DGKB: variants seen among roughly 807,000 people sequenced by gnomAD.
DGKB encodes the protein diacylglycerol kinase beta, also known as 90 kDa diacylglycerol kinase.
In DGKB, 67 loss-of-function variants were observed where a neutral mutation model predicts 114.3. The ratio of observed to expected loss-of-function variants is 0.59; its 90% CI spans 0.48 to 0.72. DGKB has a LOEUF of 0.72. Among genes scored for constraint, DGKB ranks in the 30% least tolerant of loss-of-function variants. DGKB has a pLI of 0.00. For missense variants in DGKB, 907 were observed against 975.2 expected (o/e 0.93, Z 0.93); for synonymous variants, 398 against 323.1 (o/e 1.23, Z -2.49).
intron 20 of DGKB, among the ~76,000 whole-genome samples, chr7:14,527,287 T>C (rs1015161789): frequency 6.6e-6 from 1 of 152,158 alleles, no homozygotes; most frequent in African/African-American, 2.4e-5. Flanking sequence ...GTTGGCATTA[T>C]CCACTGTATA....
At chr7:14,276,983 G>A (rs995803982) in intron 23 of DGKB, among the ~76,000 whole-genome samples, 1 of 151,652 alleles carries the variant, frequency 6.6e-6, no homozygotes, top group Non-Finnish European at 1.5e-5. Flanking sequence ...TCTTTTTTGT[G>A]GTGAGATGTT....
At chr7:14,210,734 G>C (rs1339664587) in intron 23 of DGKB, among the ~76,000 whole-genome samples, 1 of 152,024 alleles carries the variant, frequency 6.6e-6, no homozygotes, top group East Asian at 1.9e-4. Context: ...AGATGACTGT[G>C]TCACCTAATG....
At chr7:14,624,154 T>A (rs1271561527) in intron 14 of DGKB, among the ~76,000 whole-genome samples, 1 of 152,184 alleles carries the variant, frequency 6.6e-6, no homozygotes. Context: ...AGGAACATAT[T>A]TAAAATTTAA....
intron 1 of DGKB, among the ~76,000 whole-genome samples, chr7:14,844,270 A>AC (rs1321111742): frequency 3.3e-5 from 5 of 152,148 alleles, no homozygotes; most frequent in African/African-American, 1.2e-4. Context: ...TTGGCTGCAA[A>AC]CCCAGAAGTT....
intron 20 of DGKB, among the ~76,000 whole-genome samples, chr7:14,507,821 A>T (rs1458630755): frequency 6.6e-6 from 1 of 152,176 alleles, no homozygotes; most frequent in African/African-American, 2.4e-5. Flanking sequence ...AGCCAAAAAA[A>T]CACGTGAGTC....
intron 4 of DGKB, among the ~76,000 whole-genome samples, chr7:14,741,325 C>T (rs376278145): frequency 2.3e-4 from 35 of 152,234 alleles, no homozygotes; most frequent in African/African-American, 7.5e-4. Flanking sequence ...ATATATTCTC[C>T]GTAAAGTTTT....
chr7:14,694,569 CAT>C (rs1823476680), intron 8 of DGKB, among the ~76,000 whole-genome samples: 1 of 152,134 alleles, frequency 6.6e-6, no homozygotes, highest in African/African-American at 2.4e-5. Context: ...GCAAAGAGCT[CAT>C]ATAATTCTTT....
chr7:14,198,748 A>G (rs1019809651), intron 23 of DGKB, among the ~76,000 whole-genome samples: 1 of 151,994 alleles, frequency 6.6e-6, no homozygotes, highest in Non-Finnish European at 1.5e-5. Flanking sequence ...TGTATCCTAG[A>G]TATTGTAAGA....
chr7:14,150,101 G>T (rs1396732174), intron 25 of DGKB, among the ~76,000 whole-genome samples: 1 of 152,096 alleles, frequency 6.6e-6, no homozygotes, highest in African/African-American at 2.4e-5. Context: ...GATAATAAAT[G>T]ATTCTCATTA....
At chr7:14,150,931 C>T (rs1218905439) in intron 25 of DGKB, among the ~76,000 whole-genome samples, 1 of 151,934 alleles carries the variant, frequency 6.6e-6, no homozygotes, top group African/African-American at 2.4e-5. Flanking sequence ...AATAAATAGA[C>T]AATATACAAG....
At chr7:14,617,029 C>G (rs1371372138) in intron 15 of DGKB, among the ~76,000 whole-genome samples, 1 of 151,632 alleles carries the variant, frequency 6.6e-6, no homozygotes, top group East Asian at 1.9e-4. Flanking sequence ...AAAAACAGTA[C>G]ATTTAAAGAG....
chr7:14,314,002 G>C (rs1351740144), intron 23 of DGKB, among the ~76,000 whole-genome samples: 1 of 152,154 alleles, frequency 6.6e-6, no homozygotes, highest in African/African-American at 2.4e-5. Context: ...TAACTGCGAG[G>C]CACCCTCCAG....
In DGKB at chr7:14,149,151, T is replaced by C. The variant is rs1305663397; in HGVS notation, c.2392A>G (p.Arg798Gly). ...CAGGATTATTCCTTGCTTCGGTTTC[T>C]TGTCCTTTTGACGAGGGAGCAGAAT... ...GLFCSLVKRT[R>G]NRSKE The change falls in exon 26 of 26, where the codon AGA (arginine) becomes GGA (glycine). Residue 798 changes from arginine to glycine, a missense_variant. By Grantham distance (125) the Arg-to-Gly change is moderately radical. This residue lies in a region of DGKB where 58 missense variants were observed against 52.5 expected (regional missense o/e 1.10). Transcript: ENST00000402815. The C allele has an allele frequency of 6.2e-7, 1 of 1,613,454 alleles. No individual in the cohort carries two copies. Among genetic ancestry groups the C allele is most frequent in the Non-Finnish European group, 8.5e-7 (1 of 1,179,560 alleles).
chr7:14,804,850 T>A (rs913174887), intron 2 of DGKB, among the ~76,000 whole-genome samples: 4 of 152,104 alleles, frequency 2.6e-5, no homozygotes, highest in African/African-American at 9.7e-5. Flanking sequence ...TTGTCTCTTT[T>A]CAAGTACACC....
In DGKB at chr7:14,562,277, C is replaced by T. The variant is rs568132544; in HGVS notation, c.1770+11935G>A. Reference sequence around the variant, plus strand: ...ATCTGGATATCCAGGAAGAAGTTTGCTACAGGGGTGGGGACCTCATGTAGA... The same window carrying T: ...ATCTGGATATCCAGGAAGAAGTTTGTTACAGGGGTGGGGACCTCATGTAGA... On this transcript the variant is annotated intron_variant, in intron 20 of 25. Transcript: ENST00000402815. Among the ~76,000 whole-genome samples, 7 of 152,340 alleles carry T rather than the reference C, an allele frequency of 4.6e-5. No individual in the cohort carries two copies. In the East Asian group the frequency reaches 1.2e-3, roughly 25 times the overall value.
intron 2 of DGKB, among the ~76,000 whole-genome samples, chr7:14,818,167 G>T (rs1200347047): frequency 6.6e-6 from 1 of 152,006 alleles, no homozygotes; most frequent in East Asian, 1.9e-4. Context: ...TCACTGAAGG[G>T]GTCCCCTTAA....
At chr7:14,362,362 G>A (rs536340944) in intron 21 of DGKB, among the ~76,000 whole-genome samples, 11 of 152,110 alleles carry the variant, frequency 7.2e-5, no homozygotes, top group African/African-American at 2.6e-4. Flanking sequence ...GAGAACAAAT[G>A]ACAACTTCCC....
At chr7:14,176,796 C>A in intron 25 of DGKB, 43 bp downstream of exon 25, 3 of 1,578,356 alleles carry the variant, frequency 1.9e-6, no homozygotes, top group African/African-American at 1.4e-5. Flanking sequence ...AAGAGGAAAG[C>A]AAAACTGAGA....
At chr7:14,442,099 C>T (rs890000997) in intron 21 of DGKB, among the ~76,000 whole-genome samples, 1 of 151,918 alleles carries the variant, frequency 6.6e-6, no homozygotes, top group Admixed American at 6.6e-5. Flanking sequence ...TACTTTGTAA[C>T]AAATTTAAAT....
Sources: allele counts gnomAD v4.1 joint callset (sites outside exome capture counted in the v4.1 genomes callset), GRCh38; gene constraint gnomAD v4.1.1; regional missense constraint gnomAD v4.1.1; transcripts MANE v1.5; gene names NCBI Gene and HGNC (gene_info 2026-07-23, HGNC 2026-07-21).